The following ZNF561 variants were observed in gnomAD, a reference collection of about 807,000 sequenced individuals.
The protein encoded by ZNF561 is zinc finger protein 561.
Under a neutral mutation model 16.7 loss-of-function variants are expected in ZNF561, and 16 were observed. The ratio of observed to expected loss-of-function variants is 0.96; its 90% CI spans 0.65 to 1.45. ZNF561 has a LOEUF of 1.45. ZNF561 is among the 40% of genes most tolerant of loss of function. The pLI, the probability that ZNF561 is intolerant of heterozygous loss-of-function variation, is 0.00. For synonymous variants in ZNF561, 190 were observed against 192.1 expected (o/e 0.99, Z 0.09); for missense variants, 580 against 578.0 (o/e 1.00, Z -0.04).
In ZNF561 at chr19:9,608,747, C is replaced by T. The variant is rs1198990112; in HGVS notation, c.*1453G>A. Reference sequence around the variant, plus strand: ...TGATACGAAGTAGTGAAGAACTTGGCAGAACTGTATTCTAGCACTTTGCGG... The same window carrying T: ...TGATACGAAGTAGTGAAGAACTTGGTAGAACTGTATTCTAGCACTTTGCGG... On this transcript the variant is annotated 3_prime_UTR_variant, in exon 6 of 6. Coordinates refer to ENST00000302851, the MANE Select transcript of ZNF561 (RefSeq NM_152289.3). 1 of 152,126 alleles carries T rather than the reference C, an allele frequency of 6.6e-6. No individual in the cohort carries two copies. The highest frequency in any genetic ancestry group is 1.5e-5 in the Non-Finnish European group (1 of 68,026). 9.4% of individuals were successfully genotyped at this position (152,126 alleles called of 1,614,324 possible).
chr19:9,614,065 G>A lies in ZNF561; in HGVS notation c.280C>T (p.Gln94Ter). The A allele has an allele frequency of 6.2e-7, 1 of 1,614,094 alleles. No individual in the cohort carries two copies. The highest frequency in any genetic ancestry group is 1.1e-5 in the South Asian group (1 of 91,082). The change falls in exon 5 of 6, where the codon CAG (glutamine) becomes TAG (stop). Residue 94 changes from glutamine to a stop codon, truncating the protein, a stop_gained. Transcript: ENST00000302851. LOFTEE classifies it low-confidence loss of function (END_TRUNC). ...IQPRTKRSSLQQGFLKNQIFS... is the reference protein window; with the variant it reads ...IQPRTKRSSL ...ATTTGATTCTTCAAAAAACCCTGCT[G>A]AAGTGATGACCGTTTGGTTCTAGGT... is the stretch of plus-strand genomic sequence containing the variant.
Position 9,617,031 on chromosome 19 carries a change from G to T in ZNF561, c.241+14C>A. On this transcript the variant is annotated intron_variant, in intron 4 of 5. Coordinates refer to ENST00000302851, the MANE Select transcript of ZNF561 (RefSeq NM_152289.3). ...TGCAGGCCACCATGCCAAGCATAGT[G>T]ATGTTACTCTTACCCACAGAGGCCA... 6.2e-7 allele frequency: 1 copy of T among 1,602,758 alleles called. No individual in the cohort carries two copies.
intron 1 of ZNF561, among the ~76,000 whole-genome samples, chr19:9,619,947 G>A (rs745867635): frequency 2.3e-4 from 20 of 87,344 alleles, no homozygotes; most frequent in Non-Finnish European, 3.8e-4. Context: ...TCTATCTATC[G>A]AGACAGGGTC....
intron 3 of ZNF561, 78 bp downstream of exon 3, chr19:9,618,013 G>A (rs1441800083): frequency 2.2e-6 from 3 of 1,334,476 alleles, no homozygotes; most frequent in Non-Finnish European, 3.1e-6. Context: ...CTCTGAAGAT[G>A]AGTCTGTCTA....
At chr19:9,619,902 T>TATCTATCTATATCTATC (rs2074634243) in intron 1 of ZNF561, among the ~76,000 whole-genome samples, 1 of 8,674 alleles carries the variant, frequency 1.2e-4, no homozygotes, top group African/African-American at 2.4e-4. Flanking sequence ...TCTATCTATA[T>TATCTATCTATATCTATC]CTATCTATCT....
chr19:9,615,840 G>T (rs1027970139), intron 4 of ZNF561, among the ~76,000 whole-genome samples: 1 of 152,034 alleles, frequency 6.6e-6, no homozygotes, highest in Non-Finnish European at 1.5e-5. Flanking sequence ...AGTGAGCTGA[G>T]GTGGCACCAT....
chr19:9,619,946 C>CTATCTATCTATCTATCTATCT (rs568032702), intron 1 of ZNF561, among the ~76,000 whole-genome samples: 7 of 151,440 alleles, frequency 4.6e-5, no homozygotes, highest in Admixed American at 1.3e-4. Context: ...ATCTATCTAT[C>CTATCTATCTATCTATCTATCT]GAGACAGGGT....
rs970828997 is a variant in ZNF561, at chr19:9,608,648, G to C, written c.*1552C>G. 6.6e-6 allele frequency: 1 copy of C among 152,172 alleles called. No individual in the cohort carries two copies. The highest frequency in any genetic ancestry group is 1.5e-5 in the Non-Finnish European group (1 of 68,028). 9.4% of individuals were successfully genotyped at this position (152,172 alleles called of 1,614,324 possible). ...GATGTGCAAGCTGGAAGTAAGGTTGGTAAGGGTGATCCTGGTGAGGTGTCA... is the reference window on the plus strand; with the variant it reads ...GATGTGCAAGCTGGAAGTAAGGTTGCTAAGGGTGATCCTGGTGAGGTGTCA... On this transcript the variant is annotated 3_prime_UTR_variant, in exon 6 of 6. Transcript: ENST00000302851.
In ZNF561 at chr19:9,610,108, T is replaced by C; in HGVS notation, c.*92A>G. On this transcript the variant is annotated 3_prime_UTR_variant, in exon 6 of 6. Coordinates refer to ENST00000302851, the MANE Select transcript of ZNF561 (RefSeq NM_152289.3). ...CCCTCAGGATGGTATCTAAGGCCAATCCATGAGTCATTACAACCTCCAAAA... is the reference window on the plus strand; with the variant it reads ...CCCTCAGGATGGTATCTAAGGCCAACCCATGAGTCATTACAACCTCCAAAA... 4 of 1,168,342 alleles carry C rather than the reference T, an allele frequency of 3.4e-6. 1 individual carries two copies. Among genetic ancestry groups the C allele is most frequent in the Non-Finnish European group, 1.2e-6 (1 of 845,034 alleles). 72.4% of individuals were successfully genotyped at this position (1,168,342 alleles called of 1,614,324 possible).
intron 3 of ZNF561, chr19:9,617,754 G>A: frequency 2.2e-6 from 1 of 460,490 alleles, no homozygotes; most frequent in Non-Finnish European, 4.4e-6. Flanking sequence ...GCACACTGCA[G>A]ATACCTGATA....
chr19:9,617,148 C>T lies in ZNF561; in HGVS notation c.138G>A (p.Val46=). 2 of 1,613,210 alleles carry T rather than the reference C, an allele frequency of 1.2e-6. No individual in the cohort carries two copies. Among genetic ancestry groups the T allele is most frequent in the South Asian group, 2.2e-5 (2 of 90,986 alleles). ...GYQDSVTFDD[V]AVDFTPEEWA... is the part of the protein sequence containing the mutation. Reference sequence around the variant, plus strand: ...ACTCCTCTGGGGTGAAGTCCACAGCCACATCATCAAACGTCACTGAATCCT... The same window carrying T: ...ACTCCTCTGGGGTGAAGTCCACAGCTACATCATCAAACGTCACTGAATCCT... Residue 46 remains valine, a synonymous_variant, in exon 4 of 6, where the codon GTG becomes GTA. Coordinates refer to ENST00000302851, the MANE Select transcript of ZNF561 (RefSeq NM_152289.3).
rs2074574383 is a variant in ZNF561 at position 9,617,367 on chromosome 19, C to T, written c.115-196G>A. 7 of 1,227,578 alleles carry T rather than the reference C, an allele frequency of 5.7e-6. No individual in the cohort carries two copies. In the South Asian group the frequency reaches 2.7e-4, roughly 47 times the overall value. 76.0% of individuals were successfully genotyped at this position (1,227,578 alleles called of 1,614,324 possible). The stretch of plus-strand genomic sequence containing the variant: ...ACCTCCTACAGGCATATGCCTTAAA[C>T]AGCACTTTTTAAAATTTTTTTAAAT... On this transcript the variant is annotated intron_variant, in intron 3 of 5. Coordinates refer to ENST00000302851, the MANE Select transcript of ZNF561 (RefSeq NM_152289.3).
Position 9,609,242 on chromosome 19 carries a change from T to C in ZNF561, c.*958A>G, listed in dbSNP as rs982745300. 2.0e-5 allele frequency: 3 copies of C among 152,212 alleles called. No individual in the cohort carries two copies. The highest frequency in any genetic ancestry group is 7.2e-5 in the African/African-American group (3 of 41,468). The allele number at this position is 152,212 out of a possible 1,614,324, so 9.4% of individuals were successfully genotyped here. A position where few individuals can be genotyped will look rare whatever the true frequency, so the allele number is the denominator to read the frequency against. On this transcript the variant is annotated 3_prime_UTR_variant, in exon 6 of 6. Transcript: ENST00000302851. ...GGCTTACTGTCAATAAATATGTGGG[T>C]CAAACTCTGTTCAAGGCTCTCAGCT...
chr19:9,619,858 T>G (rs1350802538), intron 1 of ZNF561, among the ~76,000 whole-genome samples: 1 of 139,398 alleles, frequency 7.2e-6, no homozygotes, highest in Non-Finnish European at 1.5e-5. Flanking sequence ...TATATCTATC[T>G]ATATTTATCT....
At chr19:9,620,030 G>A (rs2074641037) in intron 1 of ZNF561, among the ~76,000 whole-genome samples, 1 of 151,992 alleles carries the variant, frequency 6.6e-6, no homozygotes, top group African/African-American at 2.4e-5. Flanking sequence ...CCGGGCTCAA[G>A]TGATCCTCCC....
In ZNF561 at chr19:9,610,368, T is replaced by C. The variant is rs754655781; in HGVS notation, c.1293A>G (p.Leu431=). Residue 431 remains leucine (L), a synonymous_variant, in exon 6 of 6, where the codon CTA becomes CTG. Transcript: ENST00000302851. ...FVCKICGKAF[L]YSSRLNVHLR... ...GGTGAACATTAAGGCGTGAGGAATATAGAAATGCTTTCCCACATATCTTGC... is the reference window on the plus strand; with the variant it reads ...GGTGAACATTAAGGCGTGAGGAATACAGAAATGCTTTCCCACATATCTTGC... The C allele has an allele frequency of 6.4e-5, 103 of 1,614,186 alleles. No homozygotes were observed. In the East Asian group the frequency reaches 1.4e-3, roughly 23 times the overall value.
At chr19:9,617,993 T>G in intron 3 of ZNF561, 98 bp downstream of exon 3, 1 of 1,180,310 alleles carries the variant, frequency 8.5e-7, no homozygotes, top group South Asian at 1.4e-5. Context: ...CTTCATTTGC[T>G]CTAAGAAAAC....
At chr19:9,616,283 T>G (rs537439236) in intron 4 of ZNF561, among the ~76,000 whole-genome samples, 4 of 152,162 alleles carry the variant, frequency 2.6e-5, no homozygotes, top group Non-Finnish European at 5.9e-5. Flanking sequence ...TATTTTTATT[T>G]TTAATGTATT....
chr19:9,616,644 T>C (rs909512079), intron 4 of ZNF561, among the ~76,000 whole-genome samples: 1 of 151,156 alleles, frequency 6.6e-6, no homozygotes, highest in Admixed American at 6.6e-5. Flanking sequence ...CAGGCTGGAG[T>C]GCAGTGGTGT....
Sources: gnomAD v4.1 joint callset for allele counts (sites outside exome capture counted in the v4.1 genomes callset) on GRCh38, gnomAD v4.1.1 for gene constraint, MANE v1.5 for transcripts, NCBI Gene and HGNC (gene_info 2026-07-23, HGNC 2026-07-21) for gene names.